The following POMP variants were observed in gnomAD, a reference collection of about 807,000 sequenced individuals.
POMP encodes proteasome maturation protein, also known as 2510048O06Rik.
A neutral mutation model predicts 20.6 loss-of-function variants in POMP; 12 were observed. That is an observed-to-expected ratio of 0.58 (90% CI 0.37 to 0.94). The LOEUF (loss-of-function observed/expected upper bound fraction) is 0.94, where lower values mean the gene tolerates loss of function less well. Ranked by LOEUF, POMP falls within the 40% of genes least tolerant of loss-of-function variation. POMP has a pLI of 0.01. For missense variants in POMP, 136 were observed against 161.1 expected, an observed-to-expected ratio of 0.84 and a Z score of 0.84; for synonymous variants, 53 against 55.0, an observed-to-expected ratio of 0.96 and a Z score of 0.16.
intron 3 of POMP, among the ~76,000 whole-genome samples, chr13:28,665,048 G>C (rs183226066): frequency 1.5e-3 from 221 of 152,204 alleles, no homozygotes; most frequent in Middle Eastern, 6.8e-3. Flanking sequence ...GTAGGAGAAG[G>C]CTTCGTAAAA....
At chr13:28,675,898 G>A (rs549703548) in intron 5 of POMP, among the ~76,000 whole-genome samples, 1 of 152,084 alleles carries the variant, frequency 6.6e-6, no homozygotes, top group African/African-American at 2.4e-5. Flanking sequence ...ACCAGAACTT[G>A]TGTGAACTCA....
rs1884286898 is a variant in POMP, at chr13:28,659,198, A to T, written c.3+11A>T. Reference sequence around the variant, plus strand: ...GAGCTGCGGAAGATGGTGAGTGGGTACCCGGGCGGCTGGAGTTCCACGCGG... The same window carrying T: ...GAGCTGCGGAAGATGGTGAGTGGGTTCCCGGGCGGCTGGAGTTCCACGCGG... On this transcript the variant is annotated intron_variant, in intron 1 of 5. Coordinates refer to ENST00000380842, the MANE Select transcript of POMP (RefSeq NM_015932.6). 6.3e-7 allele frequency: 1 copy of T among 1,589,116 alleles called. No individual in the cohort carries two copies. The highest frequency in any genetic ancestry group is 1.8e-5 in the Admixed American group (1 of 56,582).
intron 1 of POMP, 65 bp from the exon 2 acceptor site, chr13:28,662,345 A>C: frequency 2.6e-4 from 300 of 1,157,050 alleles, no homozygotes; most frequent in Non-Finnish European, 3.2e-4. Flanking sequence ...TATTTTTGAC[A>C]CAGCTGCCTG....
At chr13:28,675,875 A>G (rs1884619417) in intron 5 of POMP, among the ~76,000 whole-genome samples, 1 of 152,112 alleles carries the variant, frequency 6.6e-6, no homozygotes, top group Non-Finnish European at 1.5e-5. Flanking sequence ...GGGCTGCCAC[A>G]CAGCTTTAAA....
chr13:28,677,369 T>G (rs750183481), intron 5 of POMP, among the ~76,000 whole-genome samples: 2 of 152,242 alleles, frequency 1.3e-5, no homozygotes, highest in Non-Finnish European at 1.5e-5. Context: ...AAAGTGATTT[T>G]ACGATTTAGT....
chr13:28,673,011 C>T (rs1379222296), intron 5 of POMP, among the ~76,000 whole-genome samples: 1 of 150,188 alleles, frequency 6.7e-6, no homozygotes, highest in Non-Finnish European at 1.5e-5. Context: ...TAAAAAGTAG[C>T]TCCCCAAAAA....
chr13:28,663,754 AT>A (rs1226252865), intron 2 of POMP, among the ~76,000 whole-genome samples: 1 of 152,216 alleles, frequency 6.6e-6, no homozygotes, highest in Non-Finnish European at 1.5e-5. Flanking sequence ...GATATTTATA[AT>A]CAAGTTGATT....
At chr13:28,671,106 C>T (rs1319291828) in intron 4 of POMP, among the ~76,000 whole-genome samples, 1 of 152,156 alleles carries the variant, frequency 6.6e-6, no homozygotes, top group African/African-American at 2.4e-5. Flanking sequence ...TTGGCTAAGT[C>T]ATTCTGGAAG....
At position 28,664,521 on chromosome 13, in the gene POMP, GA is replaced by G; in HGVS notation, c.119del (p.Asn40MetfsTer23). The G allele has an allele frequency of 1.3e-6, 2 of 1,575,474 alleles. No individual in the cohort carries two copies. Among genetic ancestry groups the G allele is most frequent in the Non-Finnish European group, 1.7e-6 (2 of 1,147,706 alleles). On this transcript the variant is annotated frameshift_variant, in exon 3 of 6. Transcript: ENST00000380842. LOFTEE classifies it high-confidence loss of function. Reference protein sequence around the residue: ...DLLRKGFSCVKNELLPSHPLE... With the variant: ...DLLRKGFSCVXNELLPSHPLE... The stretch of plus-strand genomic sequence containing the variant: ...AATGTCCTTTCAGTTTTTCTTGTGT[GA>G]AAAATGAACTTTTGCCTAGTCATCC...
chr13:28,672,936 G>T (rs1771184), intron 5 of POMP, among the ~76,000 whole-genome samples: 6,771 of 152,134 alleles, frequency 0.045, 506 homozygotes, highest in African/African-American at 0.15. Context: ...TTGTTTTTGT[G>T]TGTTTAGTTT....
intron 4 of POMP, among the ~76,000 whole-genome samples, chr13:28,669,318 T>C (rs1884501873): frequency 6.6e-6 from 1 of 152,200 alleles, no homozygotes. Context: ...TTCATCTCCC[T>C]GTAGTATTTG....
intron 3 of POMP, among the ~76,000 whole-genome samples, chr13:28,666,907 G>C (rs1218540743): frequency 6.6e-6 from 1 of 152,146 alleles, no homozygotes; most frequent in Non-Finnish European, 1.5e-5. Context: ...TGCGGTGGGG[G>C]ATGGGGGGAT....
Position 28,662,512 on chromosome 13 carries a change from A to G in POMP, c.101+5A>G. ...TCATGATCTTCTTCGGAAAGGGTATATGGGGGAGTTATGACTTTGATTTTG... is the reference window on the plus strand; with the variant it reads ...TCATGATCTTCTTCGGAAAGGGTATGTGGGGGAGTTATGACTTTGATTTTG... On this transcript the variant is annotated splice_donor_5th_base_variant and intron_variant, in intron 2 of 5. Coordinates refer to ENST00000380842, the MANE Select transcript of POMP (RefSeq NM_015932.6). 6.3e-7 allele frequency: 1 copy of G among 1,596,988 alleles called. No homozygotes were observed. The highest frequency in any genetic ancestry group is 8.6e-7 in the Non-Finnish European group (1 of 1,164,498).
At chr13:28,672,087 G>A (rs1467459830) in intron 4 of POMP, among the ~76,000 whole-genome samples, 1 of 152,184 alleles carries the variant, frequency 6.6e-6, no homozygotes, top group Non-Finnish European at 1.5e-5. Flanking sequence ...GTTTTCCTGA[G>A]CAGAAGCAAA....
chr13:28,664,328 G>C (rs1884400577), intron 2 of POMP, among the ~76,000 whole-genome samples, 181 bp from the exon 3 acceptor site: 1 of 151,650 alleles, frequency 6.6e-6, no homozygotes, highest in South Asian at 2.1e-4. Flanking sequence ...TTGGTGTGTA[G>C]GTCTATGAAT....
intron 4 of POMP, among the ~76,000 whole-genome samples, chr13:28,671,818 A>G (rs1312656626): frequency 6.6e-6 from 1 of 152,126 alleles, no homozygotes; most frequent in Non-Finnish European, 1.5e-5. Context: ...TTAAAATACT[A>G]CTATCATTTA....
At chr13:28,671,821 A>G (rs1001488698) in intron 4 of POMP, among the ~76,000 whole-genome samples, 1 of 152,112 alleles carries the variant, frequency 6.6e-6, no homozygotes, top group African/African-American at 2.4e-5. Context: ...AAATACTACT[A>G]TCATTTAGTC....
intron 4 of POMP, among the ~76,000 whole-genome samples, chr13:28,669,092 C>T (rs893835545): frequency 6.6e-6 from 1 of 151,934 alleles, no homozygotes; most frequent in Non-Finnish European, 1.5e-5. Flanking sequence ...GCATTTGAAC[C>T]GCTGTTGTCT....
chr13:28,664,070 C>T (rs1884395455), intron 2 of POMP, among the ~76,000 whole-genome samples: 4 of 152,052 alleles, frequency 2.6e-5, no homozygotes, highest in Non-Finnish European at 5.9e-5. Flanking sequence ...AAATGTTAAA[C>T]CTATTGTTCA....
Sources: gnomAD v4.1 joint callset for allele counts (sites outside exome capture counted in the v4.1 genomes callset) on GRCh38, gnomAD v4.1.1 for gene constraint, MANE v1.5 for transcripts, NCBI Gene and HGNC (gene_info 2026-07-23, HGNC 2026-07-21) for gene names.